Variants in JAKMIP1 observed in about 807,000 individuals in gnomAD.
JAKMIP1 encodes the protein janus kinase and microtubule-interacting protein 1.
A neutral mutation model predicts 113.0 loss-of-function variants in JAKMIP1; 33 were observed. The observed-to-expected ratio is 0.29, with a 90% CI of 0.22 to 0.39. The LOEUF is 0.39. JAKMIP1 is among the 10% of genes least tolerant of loss of function. The pLI, the probability that JAKMIP1 is intolerant of heterozygous loss-of-function variation, is 1.00. For missense variants in JAKMIP1, 813 were observed against 1,080.5 expected (o/e 0.75, Z 3.47); for synonymous variants, 480 against 459.9 (o/e 1.04, Z -0.56).
At chr4:6,198,695 G>T (rs1321536210) in intron 1 of JAKMIP1, among the ~76,000 whole-genome samples, 1 of 152,224 alleles carries the variant, frequency 6.6e-6, no homozygotes, top group African/African-American at 2.4e-5. Context: ...TACAACATCA[G>T]TCTCTGCAGA....
chr4:6,035,755 T>C (rs954144001), intron 19 of JAKMIP1, 149 bp downstream of exon 19: 2 of 673,952 alleles, frequency 3.0e-6, no homozygotes, highest in Non-Finnish European at 4.9e-6. Flanking sequence ...GATGGGCATC[T>C]ATGAAATCTT....
At chr4:6,175,760 A>G (rs75557688) in intron 1 of JAKMIP1, among the ~76,000 whole-genome samples, 5,467 of 152,334 alleles carry the variant, frequency 0.036, 127 homozygotes, top group African/African-American at 0.07. Flanking sequence ...TGGAAAAGAC[A>G]GGATTCAAAA....
intron 3 of JAKMIP1, 27 bp downstream of exon 3, chr4:6,105,446 G>A (rs777830112): frequency 3.9e-6 from 6 of 1,555,974 alleles, no homozygotes; most frequent in East Asian, 2.3e-5. Flanking sequence ...CCGCGTGCCC[G>A]CGGGCGGGGG....
In JAKMIP1 at chr4:6,051,833, A is replaced by T. The variant is rs1715696621; in HGVS notation, c.1807-1154T>A. ...CAGATGTGTTTCCTGCACAGAATGG[A>T]CTTTAAACACTTTAGCGATGGACAG... On this transcript the variant is annotated intron_variant, in intron 13 of 20. Coordinates refer to ENST00000409021, the MANE Select transcript of JAKMIP1 (RefSeq NM_001099433.2). This position sits in a 1 kb window ranked among gnomAD's most constrained non-coding sequence, Gnocchi z 5.0. 6.6e-6 allele frequency among the ~76,000 whole-genome samples: 1 copy of T among 152,236 alleles called. No individual in the cohort carries two copies. Among genetic ancestry groups the T allele is most frequent in the South Asian group, 2.1e-4 (1 of 4,832 alleles).
chr4:6,111,637 T>C (rs1578265271), intron 2 of JAKMIP1, among the ~76,000 whole-genome samples: 1 of 152,204 alleles, frequency 6.6e-6, no homozygotes, highest in Admixed American at 6.5e-5. Context: ...TGAGACCAGT[T>C]AGCGGACAAG....
Position 6,108,922 on chromosome 4 carries a change from G to A in JAKMIP1, c.130-2955C>T, listed in dbSNP as rs946192359. Among the ~76,000 whole-genome samples, 12 of 152,236 alleles carry A rather than the reference G, an allele frequency of 7.9e-5. No homozygotes were observed. Among genetic ancestry groups the A allele is most frequent in the African/African-American group, 2.4e-4 (10 of 41,448 alleles). On this transcript the variant is annotated intron_variant, in intron 2 of 20. Transcript: ENST00000409021. The surrounding 1 kb of genome is among the most constrained non-coding windows in gnomAD (Gnocchi z 5.6). Reference sequence around the variant, plus strand: ...AATATTTACAGGTATGCGTACATACGCAGGTCAGTATACACATATATATTC... The same window carrying A: ...AATATTTACAGGTATGCGTACATACACAGGTCAGTATACACATATATATTC...
chr4:6,145,303 T>A (rs902324773), intron 1 of JAKMIP1, among the ~76,000 whole-genome samples: 6 of 152,104 alleles, frequency 3.9e-5, no homozygotes, highest in Admixed American at 2.6e-4. Flanking sequence ...CCATCTGACA[T>A]ATACAGAACC....
At chr4:6,146,006 C>T (rs998151040) in intron 1 of JAKMIP1, among the ~76,000 whole-genome samples, 4 of 152,096 alleles carry the variant, frequency 2.6e-5, no homozygotes, top group African/African-American at 9.7e-5. Flanking sequence ...CACATTTCAG[C>T]CCATAGCACG....
rs1243939062 is a variant in JAKMIP1 at position 6,154,492 on chromosome 4, T to C, written c.-147-41495A>G. ...GGACAAGGAATTTGTCAGATGTCTA[T>C]AGTCCTTTAAAAAAAAAAAAAAGCA... On this transcript the variant is annotated intron_variant, in intron 1 of 20. Coordinates refer to ENST00000409021, the MANE Select transcript of JAKMIP1 (RefSeq NM_001099433.2). The surrounding 1 kb of genome is among the most constrained non-coding windows in gnomAD (Gnocchi z 4.2). 4.8e-5 allele frequency among the ~76,000 whole-genome samples: 7 copies of C among 146,660 alleles called. No homozygotes were observed. Among genetic ancestry groups the C allele is most frequent in the South Asian group, 2.2e-4 (1 of 4,580 alleles).
chr4:6,149,989 C>T (rs1283866118), intron 1 of JAKMIP1, among the ~76,000 whole-genome samples: 2 of 152,140 alleles, frequency 1.3e-5, no homozygotes, highest in African/African-American at 4.8e-5. Flanking sequence ...GAACGTCACC[C>T]GCCAATTCCA....
chr4:6,057,152 C>A (rs1716590946), intron 11 of JAKMIP1, among the ~76,000 whole-genome samples: 1 of 152,194 alleles, frequency 6.6e-6, no homozygotes, highest in Admixed American at 6.5e-5. Context: ...GCCTGCGATG[C>A]CCTTCCCACG....
At chr4:6,073,596 G>A (rs1423418203) in intron 8 of JAKMIP1, among the ~76,000 whole-genome samples, 2 of 152,208 alleles carry the variant, frequency 1.3e-5, no homozygotes, top group African/African-American at 4.8e-5. Flanking sequence ...AAGTTATTGA[G>A]CTATAAGGTA....
intron 2 of JAKMIP1, among the ~76,000 whole-genome samples, chr4:6,112,508 T>C (rs1023583210): frequency 2.0e-5 from 3 of 152,164 alleles, no homozygotes; most frequent in Non-Finnish European, 4.4e-5. Flanking sequence ...AGGTGTTCAG[T>C]GGCTTTTTGA....
At position 6,181,093 on chromosome 4, in the gene JAKMIP1, C is replaced by G. The variant is rs1725963628; in HGVS notation, c.-148+19160G>C. On this transcript the variant is annotated intron_variant, in intron 1 of 20. Coordinates refer to ENST00000409021, the MANE Select transcript of JAKMIP1 (RefSeq NM_001099433.2). This position sits in a 1 kb window ranked among gnomAD's most constrained non-coding sequence, Gnocchi z 5.4. ...GTGACTTCCAAGCAAAGGGCAACTT[C>G]TTTTTGTGGTTTCTACATCCTTTCT... 6.6e-6 allele frequency among the ~76,000 whole-genome samples: 1 copy of G among 152,022 alleles called. No homozygotes were observed. The highest frequency in any genetic ancestry group is 6.5e-5 in the Admixed American group (1 of 15,268).
rs115320790 is a variant in JAKMIP1, at chr4:6,150,804, T to A, written c.-147-37807A>T. 0.03 allele frequency among the ~76,000 whole-genome samples: 4,615 copies of A among 152,118 alleles called. 250 individuals are homozygous for A. Among genetic ancestry groups the A allele is most frequent in the African/African-American group, 0.11 (4,357 of 41,462 alleles). ...GGAAGAAGAAAACAGGCAAGAAATT[T>A]CCGCATCCCAGCTTCAAGCTCCTCC... is the stretch of plus-strand genomic sequence containing the variant. On this transcript the variant is annotated intron_variant, in intron 1 of 20. Transcript: ENST00000409021. The surrounding 1 kb of genome is among the most constrained non-coding windows in gnomAD (Gnocchi z 4.8).
chr4:6,049,927 C>T lies in JAKMIP1; in HGVS notation c.1909-55G>A, dbSNP rs1295924254. 3.1e-6 allele frequency: 4 copies of T among 1,287,662 alleles called. No individual in the cohort carries two copies. The East Asian group carries it at 9.2e-5, about 30-fold the overall frequency. The allele number at this position is 1,287,662 out of a possible 1,614,324, so 79.8% of individuals were successfully genotyped here. ...TGTGAGCTACAGAGACCAACCATAC[C>T]AATTTCTAGGGCCACGGCCTTTCCT... On this transcript the variant is annotated intron_variant, in intron 14 of 20. Coordinates refer to ENST00000409021, the MANE Select transcript of JAKMIP1 (RefSeq NM_001099433.2). The surrounding 1 kb of genome is among the most constrained non-coding windows in gnomAD (Gnocchi z 7.0).
intron 3 of JAKMIP1, among the ~76,000 whole-genome samples, chr4:6,101,207 G>C (rs1003358774): frequency 2.0e-5 from 3 of 152,088 alleles, no homozygotes; most frequent in Non-Finnish European, 4.4e-5. Context: ...GGACCACTTT[G>C]AATTAATCTT....
At chr4:6,113,666 G>A (rs564385243) in intron 1 of JAKMIP1, among the ~76,000 whole-genome samples, 2 of 152,236 alleles carry the variant, frequency 1.3e-5, no homozygotes, top group Non-Finnish European at 2.9e-5. Flanking sequence ...ACAGCTGGAA[G>A]CGGGTGAGCC....
chr4:6,032,701 G>A (rs866374856), intron 19 of JAKMIP1, among the ~76,000 whole-genome samples: 1 of 148,210 alleles, frequency 6.7e-6, no homozygotes. Context: ...ACAAAACAAA[G>A]CAAAACACAG....
Sources: gnomAD v4.1 joint callset for allele counts (sites outside exome capture counted in the v4.1 genomes callset) on GRCh38, gnomAD v4.1.1 for gene constraint, Gnocchi (gnomAD v3.1) non-coding constraint, MANE v1.5 for transcripts, NCBI Gene and HGNC (gene_info 2026-07-23, HGNC 2026-07-21) for gene names.